CATSPER3: variants seen among roughly 807,000 people sequenced by gnomAD.
CATSPER3 encodes the protein cation channel sperm associated 3, also known as cation channel sperm-associated protein 3.
Under a neutral mutation model 36.6 loss-of-function variants are expected in CATSPER3, and 23 were observed. The observed-to-expected ratio is 0.63, with a 90% CI of 0.45 to 0.89. The LOEUF is 0.89. CATSPER3 is among the 40% of genes least tolerant of loss of function. The pLI is 0.00. For missense variants in CATSPER3, 474 were observed against 503.9 expected, an observed-to-expected ratio of 0.94 and a Z score of 0.57; for synonymous variants, 172 against 184.1, an observed-to-expected ratio of 0.93 and a Z score of 0.53.
chr5:135,003,665 C>T (rs1313834978), intron 3 of CATSPER3, among the ~76,000 whole-genome samples: 1 of 152,244 alleles, frequency 6.6e-6, no homozygotes, highest in African/African-American at 2.4e-5. Context: ...GGCGCCCATC[C>T]CGCAGCCTCG....
chr5:134,994,273 A>G (rs1751917654), intron 2 of CATSPER3, among the ~76,000 whole-genome samples: 1 of 152,258 alleles, frequency 6.6e-6, no homozygotes, highest in African/African-American at 2.4e-5. Context: ...ACAATCCAGC[A>G]GAAAATTTGG....
In CATSPER3 at chr5:134,969,919, C is replaced by A; in HGVS notation, c.99-20C>A. ...GCTCTATTGTGCTGTAACCATACTT[C>A]ACATTCAACTTTTTGACAGGAGGAA... On this transcript the variant is annotated intron_variant, in intron 1 of 7. Transcript: ENST00000282611. The A allele has an allele frequency of 6.2e-7, 1 of 1,613,908 alleles. No individual in the cohort carries two copies. The highest frequency in any genetic ancestry group is 8.5e-7 in the Non-Finnish European group (1 of 1,179,822).
intron 7 of CATSPER3, among the ~76,000 whole-genome samples, chr5:135,010,818 C>T (rs1229362127): frequency 1.3e-5 from 2 of 152,204 alleles, no homozygotes; most frequent in Non-Finnish European, 1.5e-5. Flanking sequence ...CCTCACTAAC[C>T]CCTTTTCAGA....
At chr5:135,009,931 G>A (rs1157544047) in intron 6 of CATSPER3, among the ~76,000 whole-genome samples, 2 of 152,218 alleles carry the variant, frequency 1.3e-5, no homozygotes, top group Non-Finnish European at 2.9e-5. Flanking sequence ...AAACCAGGCT[G>A]GAGATTTTCT....
intron 6 of CATSPER3, 129 bp from the exon 7 acceptor site, chr5:135,010,244 G>A (rs938191758): frequency 6.0e-5 from 49 of 819,184 alleles, no homozygotes; most frequent in Middle Eastern, 2.9e-4. Context: ...GTTGTGACAA[G>A]GCTGAAGCTT....
rs377691227 is a variant in CATSPER3 at position 134,989,303 on chromosome 5, AAG to A, written c.253-6965_253-6964del. 3.7e-3 allele frequency among the ~76,000 whole-genome samples: 569 copies of A among 152,280 alleles called. 7 individuals are homozygous for A. The highest frequency in any genetic ancestry group is 0.037 in the East Asian group (191 of 5,186). ...GTCACCAGCTGCATTACCCCCTAAC[AAG>A]AGAGTCAGCCTGTCCTTTGAAGTTT... On this transcript the variant is annotated intron_variant, in intron 2 of 7. Coordinates refer to ENST00000282611, the MANE Select transcript of CATSPER3 (RefSeq NM_178019.3).
At chr5:134,974,857 G>T (rs1403213525) in intron 2 of CATSPER3, among the ~76,000 whole-genome samples, 1 of 152,140 alleles carries the variant, frequency 6.6e-6, no homozygotes, top group Non-Finnish European at 1.5e-5. Context: ...TTAGGTATAG[G>T]ACTTGGCAGG....
In CATSPER3 at chr5:135,006,607, T is replaced by C. The variant is rs938869618; in HGVS notation, c.493-1350T>C. Among the ~76,000 whole-genome samples the C allele has an allele frequency of 1.3e-4, 20 of 151,858 alleles. 1 individual carries two copies. The highest frequency in any genetic ancestry group is 1.2e-3 in the Admixed American group (18 of 15,250). On this transcript the variant is annotated intron_variant, in intron 3 of 7. Transcript: ENST00000282611. The stretch of plus-strand genomic sequence containing the variant: ...ATCCCAGCACTTTGGGAGGCCAAGG[T>C]GGGTGGATCACGAGGTCGGGAGATC...
intron 2 of CATSPER3, among the ~76,000 whole-genome samples, chr5:134,981,757 G>A (rs191026776): frequency 6.6e-6 from 1 of 152,302 alleles, no homozygotes; most frequent in East Asian, 1.9e-4. Context: ...AAACAAAAAT[G>A]TCTGACTTAT....
intron 3 of CATSPER3, among the ~76,000 whole-genome samples, chr5:135,006,235 G>C (rs1752084442): frequency 6.6e-6 from 1 of 152,182 alleles, no homozygotes; most frequent in South Asian, 2.1e-4. Context: ...TAGCTGTCAT[G>C]GGTCCTTTAT....
At chr5:134,983,526 T>A (rs1231372039) in intron 2 of CATSPER3, among the ~76,000 whole-genome samples, 1 of 152,086 alleles carries the variant, frequency 6.6e-6, no homozygotes, top group Non-Finnish European at 1.5e-5. Flanking sequence ...AGAGTGAGAC[T>A]CTGTCTCAAA....
chr5:134,989,259 G>A lies in CATSPER3; in HGVS notation c.253-7014G>A, dbSNP rs1030576153. On this transcript the variant is annotated intron_variant, in intron 2 of 7. Transcript: ENST00000282611. Reference sequence around the variant, plus strand: ...CTAGGATTTTTGGAATAGTCAATGAGCACTGGCTTCAACTTAAAGTCACCA... The same window carrying A: ...CTAGGATTTTTGGAATAGTCAATGAACACTGGCTTCAACTTAAAGTCACCA... Among the ~76,000 whole-genome samples, 9 of 152,194 alleles carry A rather than the reference G, an allele frequency of 5.9e-5. 1 individual carries two copies. The highest frequency in any genetic ancestry group is 2.2e-4 in the African/African-American group (9 of 41,440).
At chr5:135,010,317 T>A in intron 6 of CATSPER3, 56 bp from the exon 7 acceptor site, 1 of 1,490,938 alleles carries the variant, frequency 6.7e-7, no homozygotes, top group Non-Finnish European at 9.4e-7. Context: ...CATGTCTCTG[T>A]GCAGCTCGGC....
chr5:134,973,862 G>A (rs1032694547), intron 2 of CATSPER3, among the ~76,000 whole-genome samples: 1 of 152,130 alleles, frequency 6.6e-6, no homozygotes, highest in African/African-American at 2.4e-5. Context: ...GTCCACTTTT[G>A]GAGGATGATA....
chr5:135,009,352 C>T lies in CATSPER3; in HGVS notation c.817-19C>T. 1 of 1,612,578 alleles carries T rather than the reference C, an allele frequency of 6.2e-7. No homozygotes were observed. Among genetic ancestry groups the T allele is most frequent in the South Asian group, 1.1e-5 (1 of 91,056 alleles). ...TGTAGCGAGAGCCTGTAGTTGACCT[C>T]CATCGTCTGACTCTCTAGGACTCCA... On this transcript the variant is annotated intron_variant, in intron 5 of 7. Coordinates refer to ENST00000282611, the MANE Select transcript of CATSPER3 (RefSeq NM_178019.3).
intron 3 of CATSPER3, among the ~76,000 whole-genome samples, chr5:135,006,836 GAA>G (rs35478061): frequency 8.8e-6 from 1 of 113,002 alleles, no homozygotes; most frequent in African/African-American, 3.9e-5. Context: ...ACTCCGTCTC[GAA>G]AAAAAAAAAA....
chr5:134,968,285 A>G (rs1751558474), intron 1 of CATSPER3, 196 bp downstream of exon 1: 2 of 589,260 alleles, frequency 3.4e-6, no homozygotes, highest in Non-Finnish European at 3.1e-6. Flanking sequence ...GTAGACTTGA[A>G]TGACCAGTTT....
intron 2 of CATSPER3, among the ~76,000 whole-genome samples, chr5:134,972,067 A>G (rs985281055): frequency 3.3e-5 from 5 of 152,212 alleles, no homozygotes; most frequent in African/African-American, 1.2e-4. Context: ...CTGTAAGAAA[A>G]AAGAGAATGA....
intron 3 of CATSPER3, among the ~76,000 whole-genome samples, chr5:135,005,019 G>T (rs1752067656): frequency 6.6e-6 from 1 of 152,148 alleles, no homozygotes; most frequent in Admixed American, 6.5e-5. Flanking sequence ...GAACAGGGCG[G>T]AGGGCAGGGG....
Sources: allele counts gnomAD v4.1 joint callset (sites outside exome capture counted in the v4.1 genomes callset), GRCh38; gene constraint gnomAD v4.1.1; transcripts MANE v1.5; gene names NCBI Gene and HGNC (gene_info 2026-07-23, HGNC 2026-07-21).